VTI1A: variants seen among roughly 807,000 people sequenced by gnomAD.
VTI1A encodes the protein vesicle transport through interaction with t-SNAREs 1A.
VTI1A carries 22 observed loss-of-function variants against 34.9 expected under a neutral mutation model. The ratio of observed to expected loss-of-function variants is 0.63; its 90% CI spans 0.45 to 0.90. The LOEUF (loss-of-function observed/expected upper bound fraction) is 0.90. Among genes scored for constraint, VTI1A ranks in the 40% least tolerant of loss-of-function variants. The probability of loss-of-function intolerance (pLI) is 0.00; values close to 1 mark genes in which losing one functional copy is unlikely to be tolerated. For synonymous variants in VTI1A, 87 were observed against 97.3 expected (o/e 0.89, Z 0.62); for missense variants, 268 against 275.6 (o/e 0.97, Z 0.20).
chr10:112,771,288 G>A (rs1008198246), intron 7 of VTI1A, among the ~76,000 whole-genome samples: 4 of 152,222 alleles, frequency 2.6e-5, no homozygotes, highest in African/African-American at 9.6e-5. Context: ...ACGCAGTGTG[G>A]AGCCTGGCAG....
At position 112,815,502 on chromosome 10, in the gene VTI1A, AC is replaced by A; in HGVS notation, c.*121del. ...CCCCAGGTGACCCTCTCTCTCCCTC[AC>A]CGCCGTTGGGCTGAAGTGCAAAGAG... On this transcript the variant is annotated 3_prime_UTR_variant, in exon 8 of 8. Transcript: ENST00000393077. The A allele has an allele frequency of 1.2e-6, 1 of 818,790 alleles. No individual in the cohort carries two copies. The allele number at this position is 818,790 out of a possible 1,614,324, so 50.7% of individuals were successfully genotyped here.
At chr10:112,603,536 G>A (rs1435231837) in intron 5 of VTI1A, among the ~76,000 whole-genome samples, 2 of 152,034 alleles carry the variant, frequency 1.3e-5, no homozygotes, top group Non-Finnish European at 2.9e-5. Flanking sequence ...TAGTTGTCAT[G>A]ATTTTTCCCA....
At chr10:112,751,809 G>A (rs11196090) in intron 7 of VTI1A, among the ~76,000 whole-genome samples, 2,991 of 152,284 alleles carry the variant, frequency 0.02, 56 homozygotes, top group East Asian at 0.079. Flanking sequence ...CAGAGGTGAG[G>A]AGTTGATCTC....
intron 3 of VTI1A, among the ~76,000 whole-genome samples, chr10:112,520,639 GTGTGTGTGTATATA>G (rs1357384450): frequency 2.4e-4 from 31 of 128,254 alleles, no homozygotes; most frequent in Middle Eastern, 4.2e-3. Context: ...GTGTGTGTGT[GTGTGTGTGTATATA>G]TATATATATA....
chr10:112,709,332 T>C (rs7896810), intron 7 of VTI1A, among the ~76,000 whole-genome samples: 24,398 of 151,996 alleles, frequency 0.16, 3,931 homozygotes, highest in African/African-American at 0.4. Context: ...ATTTTTGACC[T>C]CTAGTTCCCT....
At chr10:112,596,271 C>T (rs1012015167) in intron 5 of VTI1A, among the ~76,000 whole-genome samples, 7 of 151,938 alleles carry the variant, frequency 4.6e-5, no homozygotes, top group South Asian at 2.1e-4. Context: ...ATGTAACTAA[C>T]CTGCATATTG....
At chr10:112,733,134 C>T (rs897611277) in intron 7 of VTI1A, among the ~76,000 whole-genome samples, 1 of 152,188 alleles carries the variant, frequency 6.6e-6, no homozygotes, top group Non-Finnish European at 1.5e-5. Context: ...ACGTTCAGCT[C>T]TGGAATACAA....
At chr10:112,478,998 C>T (rs1228307886) in intron 3 of VTI1A, among the ~76,000 whole-genome samples, 1 of 152,090 alleles carries the variant, frequency 6.6e-6, no homozygotes, top group African/African-American at 2.4e-5. Context: ...GAAACCCTGT[C>T]TGTACTAAAA....
chr10:112,729,445 AGC>A (rs1850168051), intron 7 of VTI1A, among the ~76,000 whole-genome samples: 1 of 152,212 alleles, frequency 6.6e-6, no homozygotes, highest in African/African-American at 2.4e-5. Context: ...TTTTGTGCTA[AGC>A]AACATGCTTA....
intron 7 of VTI1A, among the ~76,000 whole-genome samples, chr10:112,775,203 C>T (rs1196505715): frequency 6.6e-6 from 1 of 152,190 alleles, no homozygotes; most frequent in Non-Finnish European, 1.5e-5. Flanking sequence ...TCTATACCAG[C>T]ATGGATAGAG....
In VTI1A at chr10:112,817,751, A is replaced by T; in HGVS notation, c.*2368A>T. 4.3e-6 allele frequency: 1 copy of T among 230,322 alleles called. No individual in the cohort carries two copies. The highest frequency in any genetic ancestry group is 8.6e-6 in the Non-Finnish European group (1 of 116,210). 14.3% of individuals were successfully genotyped at this position (230,322 alleles called of 1,614,324 possible). ...TAACGTCCACAGACTTGAAGCAGAT[A>T]GTGAAGTAGATCTGTGAGAGGTTCT... On this transcript the variant is annotated 3_prime_UTR_variant, in exon 8 of 8. Transcript: ENST00000393077.
chr10:112,789,556 G>A (rs954503564), intron 7 of VTI1A, among the ~76,000 whole-genome samples: 1 of 152,076 alleles, frequency 6.6e-6, no homozygotes, highest in African/African-American at 2.4e-5. Context: ...TTACACATAT[G>A]TTGGTATGCT....
intron 3 of VTI1A, among the ~76,000 whole-genome samples, chr10:112,500,699 T>C (rs1564802604): frequency 6.6e-6 from 1 of 152,212 alleles, no homozygotes; most frequent in Non-Finnish European, 1.5e-5. Context: ...TAGATCAATG[T>C]TGGACTCTTG....
chr10:112,549,123 T>G (rs1851249161), intron 5 of VTI1A, among the ~76,000 whole-genome samples: 3 of 152,196 alleles, frequency 2.0e-5, no homozygotes, highest in African/African-American at 7.2e-5. Flanking sequence ...GAGTCATTTT[T>G]AAGACTCCTG....
At chr10:112,808,642 A>AG (rs1564933554) in intron 7 of VTI1A, among the ~76,000 whole-genome samples, 2 of 151,778 alleles carry the variant, frequency 1.3e-5, no homozygotes, top group East Asian at 1.9e-4. Flanking sequence ...AAAAAAAAAA[A>AG]AAGAAAGCGA....
intron 3 of VTI1A, among the ~76,000 whole-genome samples, chr10:112,466,064 A>G (rs1847884669): frequency 6.6e-6 from 1 of 152,202 alleles, no homozygotes; most frequent in Non-Finnish European, 1.5e-5. Context: ...CAGGCGAGGA[A>G]AGATCTGAGC....
At chr10:112,482,076 CTA>C (rs1217091584) in intron 3 of VTI1A, among the ~76,000 whole-genome samples, 1 of 152,078 alleles carries the variant, frequency 6.6e-6, no homozygotes, top group Non-Finnish European at 1.5e-5. Context: ...CTTTTAAAAA[CTA>C]TTTCTGAATA....
At chr10:112,851,730 T>A in the VTI1A span, among the ~76,000 whole-genome samples, 1 of 152,188 alleles carries the variant, frequency 6.6e-6, no homozygotes, top group African/African-American at 2.4e-5. Context: ...AACTGAAGCT[T>A]CTGAACTAGG....
intron 5 of VTI1A, among the ~76,000 whole-genome samples, chr10:112,540,674 C>G (rs144454424): frequency 6.6e-6 from 1 of 152,184 alleles, no homozygotes; most frequent in Non-Finnish European, 1.5e-5. Context: ...CATATTGCTT[C>G]GTATTTCCTG....
Sources: allele counts gnomAD v4.1 joint callset (sites outside exome capture counted in the v4.1 genomes callset), GRCh38; gene constraint gnomAD v4.1.1; transcripts MANE v1.5; gene names NCBI Gene and HGNC (gene_info 2026-07-23, HGNC 2026-07-21).